Variants in KREMEN1 observed in about 807,000 individuals in gnomAD.
The protein encoded by KREMEN1 is kremen protein 1.
In KREMEN1, 30 loss-of-function variants were observed where a neutral mutation model predicts 46.5. That is an observed-to-expected ratio of 0.65 (90% CI 0.48 to 0.88). The LOEUF (loss-of-function observed/expected upper bound fraction) is 0.88, where lower values mean the gene tolerates loss of function less well. Among genes scored for constraint, KREMEN1 ranks in the 40% least tolerant of loss-of-function variants. The pLI is 0.00. For missense variants in KREMEN1, 533 were observed against 596.9 expected (o/e 0.89, Z 1.11); for synonymous variants, 214 against 230.6 (o/e 0.93, Z 0.65).
At chr22:29,105,535 G>A (rs770606661) in intron 3 of KREMEN1, among the ~76,000 whole-genome samples, 3 of 149,930 alleles carry the variant, frequency 2.0e-5, no homozygotes, top group Admixed American at 2.0e-4. Flanking sequence ...CAAGCAAGTT[G>A]GTGTTGCTGA....
intron 9 of KREMEN1, among the ~76,000 whole-genome samples, chr22:29,165,441 T>C (rs188717491): frequency 2.0e-4 from 30 of 152,032 alleles, no homozygotes; most frequent in African/African-American, 7.0e-4. Flanking sequence ...TACTGTCATT[T>C]TCACAACATC....
At chr22:29,114,589 A>C (rs1304615200) in intron 3 of KREMEN1, among the ~76,000 whole-genome samples, 3 of 152,020 alleles carry the variant, frequency 2.0e-5, no homozygotes, top group African/African-American at 7.2e-5. Flanking sequence ...AGCCAGGAAG[A>C]GGGCCCTCAT....
chr22:29,073,066 C>T lies in KREMEN1; in HGVS notation c.-65C>T, dbSNP rs1296003178. On this transcript the variant is annotated 5_prime_UTR_variant, in exon 1 of 9. Transcript: ENST00000400335. The surrounding 1 kb of genome is among the most constrained non-coding windows in gnomAD (Gnocchi z 4.4). ...GCCCCGCGTCCTGCTCCCATGGCCG[C>T]CCCCGGCTCCCCGCGCTGCCCCCTT... 1.8e-5 allele frequency: 7 copies of T among 390,578 alleles called. No individual in the cohort carries two copies. Among genetic ancestry groups the T allele is most frequent in the Admixed American group, 6.5e-5 (1 of 15,382 alleles). 24.2% of individuals were successfully genotyped at this position (390,578 alleles called of 1,614,324 possible).
chr22:29,099,795 G>A (rs1336218949), intron 3 of KREMEN1, among the ~76,000 whole-genome samples: 3 of 152,034 alleles, frequency 2.0e-5, no homozygotes, highest in Admixed American at 6.6e-5. Context: ...TGATCCGCCC[G>A]CCTAGGCCTC....
At chr22:29,120,472 T>C (rs368262279) in intron 3 of KREMEN1, among the ~76,000 whole-genome samples, 1 of 59,016 alleles carries the variant, frequency 1.7e-5, no homozygotes, top group African/African-American at 9.6e-5. Context: ...GACGTGATGA[T>C]GGAAACAGGG....
intron 2 of KREMEN1, among the ~76,000 whole-genome samples, chr22:29,096,615 A>G (rs1461106170): frequency 6.6e-6 from 1 of 152,182 alleles, no homozygotes; most frequent in Non-Finnish European, 1.5e-5. Context: ...TACTTTGGAA[A>G]AGGGAGGCTG....
intron 3 of KREMEN1, chr22:29,099,274 T>C (rs373451582): frequency 9.1e-6 from 2 of 220,052 alleles, no homozygotes; most frequent in South Asian, 1.7e-4. Flanking sequence ...GAGAAAAATA[T>C]CTTGTACTTT....
At chr22:29,103,870 GA>G (rs5844833) in intron 3 of KREMEN1, among the ~76,000 whole-genome samples, 4,564 of 152,106 alleles carry the variant, frequency 0.03, 201 homozygotes, top group African/African-American at 0.094. Context: ...ATTTGTGGTT[GA>G]AATGACATAA....
chr22:29,139,684 G>T (rs557283185), intron 7 of KREMEN1, among the ~76,000 whole-genome samples: 1 of 152,194 alleles, frequency 6.6e-6, no homozygotes, highest in South Asian at 2.1e-4. Context: ...GAGGCAGGAG[G>T]ATTGCTTGAG....
At chr22:29,158,178 G>A (rs1268213856) in intron 9 of KREMEN1, among the ~76,000 whole-genome samples, 1 of 152,172 alleles carries the variant, frequency 6.6e-6, no homozygotes, top group Non-Finnish European at 1.5e-5. Context: ...TGAGAAACAC[G>A]GGTAAAACAC....
intron 7 of KREMEN1, 149 bp downstream of exon 7, chr22:29,138,931 C>T (rs1182914763): frequency 8.6e-7 from 1 of 1,161,304 alleles, no homozygotes; most frequent in Non-Finnish European, 1.2e-6. Flanking sequence ...TCTGTCCTGG[C>T]TTTTGAGGGA....
At chr22:29,159,175 A>C (rs1479676329) in intron 9 of KREMEN1, among the ~76,000 whole-genome samples, 1 of 133,872 alleles carries the variant, frequency 7.5e-6, no homozygotes, top group Non-Finnish European at 1.5e-5. Context: ...TTCGTTGCCC[A>C]GGCTGGTCTC....
chr22:29,137,845 T>A (rs1426084722), intron 6 of KREMEN1, among the ~76,000 whole-genome samples, 171 bp downstream of exon 6: 3 of 152,208 alleles, frequency 2.0e-5, no homozygotes, highest in Non-Finnish European at 2.9e-5. Flanking sequence ...CCCCATTTCA[T>A]AACTCATTTA....
Position 29,073,898 on chromosome 22 carries a change from C to T in KREMEN1, c.97+671C>T, listed in dbSNP as rs981593750. Among the ~76,000 whole-genome samples the T allele has an allele frequency of 6.6e-6, 1 of 152,156 alleles. No homozygotes were observed. Among genetic ancestry groups the T allele is most frequent in the Non-Finnish European group, 1.5e-5 (1 of 68,000 alleles). The stretch of plus-strand genomic sequence containing the variant: ...GCACCTTGCACCGGGACGACTCCCC[C>T]GCTACAAGAGGCTATACGCCCCTCT... On this transcript the variant is annotated intron_variant, in intron 1 of 8. Transcript: ENST00000400335. The surrounding 1 kb of genome is among the most constrained non-coding windows in gnomAD (Gnocchi z 4.4).
At chr22:29,094,647 G>GGCGTC (rs2037855093) in intron 2 of KREMEN1, among the ~76,000 whole-genome samples, 1 of 122,790 alleles carries the variant, frequency 8.1e-6, no homozygotes, top group East Asian at 2.3e-4. Flanking sequence ...TTTTTGAGAC[G>GGCGTC]GCGTCTCGCT....
intron 3 of KREMEN1, among the ~76,000 whole-genome samples, chr22:29,104,031 A>G (rs953639882): frequency 6.6e-6 from 1 of 152,164 alleles, no homozygotes; most frequent in Non-Finnish European, 1.5e-5. Flanking sequence ...ACTTTTGTGT[A>G]TGTTTGCAAC....
chr22:29,090,696 T>G (rs566510678), intron 1 of KREMEN1, among the ~76,000 whole-genome samples: 12 of 152,310 alleles, frequency 7.9e-5, no homozygotes, highest in South Asian at 6.2e-4. Flanking sequence ...TTACCTAACA[T>G]ACACCCTAGT....
chr22:29,105,631 A>G (rs1389404906), intron 3 of KREMEN1, among the ~76,000 whole-genome samples: 1 of 152,170 alleles, frequency 6.6e-6, no homozygotes, highest in East Asian at 1.9e-4. Context: ...TGGTCTGGGT[A>G]TGAAGCCTGG....
In KREMEN1 at chr22:29,146,175, T is replaced by C; in HGVS notation, c.*4063T>C. ...TGTGGTGTTTGATGTCGGCTTTTGT[T>C]CCTACCTTGGGAGTTTGGATTGTTT... On this transcript the variant is annotated 3_prime_UTR_variant, in exon 9 of 9. Transcript: ENST00000400335. 1.0e-6 allele frequency: 1 copy of C among 974,960 alleles called. No individual in the cohort carries two copies. Among genetic ancestry groups the C allele is most frequent in the Non-Finnish European group, 1.2e-6 (1 of 828,398 alleles). 60.4% of individuals were successfully genotyped at this position (974,960 alleles called of 1,614,324 possible). A position where few individuals can be genotyped will look rare whatever the true frequency, so the allele number is the denominator to read the frequency against.
Sources: gnomAD v4.1 joint callset for allele counts (sites outside exome capture counted in the v4.1 genomes callset) on GRCh38, gnomAD v4.1.1 for gene constraint, Gnocchi (gnomAD v3.1) non-coding constraint, MANE v1.5 for transcripts, NCBI Gene and HGNC (gene_info 2026-07-23, HGNC 2026-07-21) for gene names.